Variants in DLGAP4 observed in about 807,000 individuals in gnomAD.
DLGAP4 encodes the protein disks large-associated protein 4.
A neutral mutation model predicts 86.9 loss-of-function variants in DLGAP4; 18 were observed. That is an observed-to-expected ratio of 0.21 (90% CI 0.14 to 0.31). The LOEUF (loss-of-function observed/expected upper bound fraction) is 0.31, where lower values mean the gene tolerates loss of function less well. DLGAP4 is among the 10% of genes least tolerant of loss of function. The pLI, the probability that DLGAP4 is intolerant of heterozygous loss-of-function variation, is 1.00. For synonymous variants in DLGAP4, 548 were observed against 574.3 expected (o/e 0.95, Z 0.65); for missense variants, 1,085 against 1,362.6 (o/e 0.80, Z 3.21).
chr20:36,333,732 G>A (rs1169301912), intron 1 of DLGAP4, among the ~76,000 whole-genome samples: 1 of 152,238 alleles, frequency 6.6e-6, no homozygotes, highest in African/African-American at 2.4e-5. Flanking sequence ...TGCCCCTGCT[G>A]GCCTCGAAGC....
intron 7 of DLGAP4, among the ~76,000 whole-genome samples, chr20:36,466,974 C>CCT (rs532237646): frequency 1.9e-4 from 26 of 136,648 alleles, no homozygotes; most frequent in Non-Finnish European, 2.6e-4. Flanking sequence ...CTGTCTCTCT[C>CCT]CTCTCTCTCT....
rs541255687 is a variant in DLGAP4 at position 36,503,789 on chromosome 20, C to T, written c.2512+3178C>T. On this transcript the variant is annotated intron_variant, in intron 10 of 12. Transcript: ENST00000339266. ...GGATTACAGGCGTGAGCCACTGCACCCGGCCCCATATTTGGCCTTTTGTGT... is the reference window on the plus strand; with the variant it reads ...GGATTACAGGCGTGAGCCACTGCACTCGGCCCCATATTTGGCCTTTTGTGT... 1.0e-3 allele frequency among the ~76,000 whole-genome samples: 159 copies of T among 152,330 alleles called. 1 individual carries two copies. The highest frequency in any genetic ancestry group is 3.8e-3 in the African/African-American group (156 of 41,580).
rs1171759122 is a variant in DLGAP4, at chr20:36,467,466, A to G, written c.1648+20529A>G. 2.0e-5 allele frequency among the ~76,000 whole-genome samples: 3 copies of G among 152,336 alleles called. No individual in the cohort carries two copies. In the East Asian group the frequency reaches 5.8e-4, roughly 29 times the overall value. On this transcript the variant is annotated intron_variant, in intron 7 of 12. Transcript: ENST00000339266. ...TGGGTGGAGCCAGGAGGTTGTAGGC[A>G]GTGTTAAACAGCTGAAAAGCAGAGG...
At chr20:36,394,373 G>A (rs559982708) in intron 2 of DLGAP4, among the ~76,000 whole-genome samples, 7 of 152,282 alleles carry the variant, frequency 4.6e-5, no homozygotes, top group Admixed American at 4.6e-4. Context: ...TCTGCCCTGC[G>A]ACTCTGCCCT....
chr20:36,432,189 G>C lies in DLGAP4; in HGVS notation c.472G>C (p.Glu158Gln). The C allele has an allele frequency of 6.2e-7, 1 of 1,614,176 alleles. No homozygotes were observed. The highest frequency in any genetic ancestry group is 1.1e-5 in the South Asian group (1 of 91,082). The change falls in exon 3 of 13, where the codon GAG (glutamate) becomes CAG (glutamine). Residue 158 changes from glutamate (E) to glutamine (Q), a missense_variant. This residue lies in a region of DLGAP4 where 1,082 missense variants were observed against 1,344.1 expected (regional missense o/e 0.81). Transcript: ENST00000339266. This position sits in a 1 kb window ranked among gnomAD's most constrained non-coding sequence, Gnocchi z 6.5. ...TTTCTTCACCAAGGCACCCTCACTG[G>C]AGGGCACAGCGGGCAAGGTCGGTGG... is the stretch of plus-strand genomic sequence containing the variant. Reference protein sequence around the residue: ...RLFFTKAPSLEGTAGKVGGNG... With the variant: ...RLFFTKAPSLQGTAGKVGGNG...
rs990278115 is a variant in DLGAP4 at position 36,432,149 on chromosome 20, C to T, written c.432C>T (p.His144=). ...CTGGCCGCATCCGCCACCTGGTCCA[C>T]TCAGTCCAGCGGCTTTTCTTCACCA... ...ESPGRIRHLV[H]SVQRLFFTKA... Residue 144 remains histidine, a synonymous_variant, in exon 3 of 13, where the codon CAC becomes CAT. Transcript: ENST00000339266. This position sits in a 1 kb window ranked among gnomAD's most constrained non-coding sequence, Gnocchi z 6.5. The T allele has an allele frequency of 4.3e-6, 7 of 1,614,086 alleles. No homozygotes were observed. Among genetic ancestry groups the T allele is most frequent in the African/African-American group, 4.0e-5 (3 of 74,956 alleles).
intron 2 of DLGAP4, among the ~76,000 whole-genome samples, chr20:36,402,605 G>A (rs2032194426): frequency 6.6e-6 from 1 of 152,052 alleles, no homozygotes; most frequent in Admixed American, 6.6e-5. Context: ...AAAATTAGCT[G>A]GACATGGTGG....
chr20:36,366,617 G>A (rs937107931), intron 1 of DLGAP4, among the ~76,000 whole-genome samples: 2 of 152,168 alleles, frequency 1.3e-5, no homozygotes, highest in Non-Finnish European at 2.9e-5. Flanking sequence ...TCAGAAAGGG[G>A]AAGCTGCCTC....
intron 2 of DLGAP4, among the ~76,000 whole-genome samples, chr20:36,379,475 G>A (rs1324729653): frequency 2.0e-5 from 3 of 152,202 alleles, no homozygotes; most frequent in Admixed American, 6.5e-5. Flanking sequence ...GGCTCTGAGC[G>A]GAATCCTGGG....
chr20:36,468,506 C>T (rs188728212), intron 7 of DLGAP4, among the ~76,000 whole-genome samples: 2 of 152,346 alleles, frequency 1.3e-5, no homozygotes, highest in East Asian at 3.9e-4. Flanking sequence ...AAATTGATGG[C>T]TTGGCCGAGG....
chr20:36,422,823 T>C (rs553551988), intron 2 of DLGAP4, among the ~76,000 whole-genome samples: 1 of 152,288 alleles, frequency 6.6e-6, no homozygotes, highest in Admixed American at 6.5e-5. Context: ...AGGGCAATGA[T>C]GCTTATATTA....
At position 36,315,578 on chromosome 20, in the gene DLGAP4, C is replaced by T. The variant is rs898753467; in HGVS notation, c.-304+9066C>T. 1.1e-4 allele frequency among the ~76,000 whole-genome samples: 17 copies of T among 152,098 alleles called. No homozygotes were observed. In the East Asian group the frequency reaches 2.3e-3, roughly 21 times the overall value. On this transcript the variant is annotated intron_variant, in intron 1 of 12. Transcript: ENST00000339266. ...GGGTTGCTGGATGGTCTGCCCTGGC[C>T]GCAGCTAGCAAAGCCAGTGGCCATC...
intron 1 of DLGAP4, among the ~76,000 whole-genome samples, chr20:36,311,985 TG>T (rs1405781721): frequency 2.6e-5 from 4 of 152,154 alleles, no homozygotes; most frequent in Non-Finnish European, 5.9e-5. Flanking sequence ...ACAGATGCGC[TG>T]GGGGCAGAGC....
At chr20:36,499,162 G>A (rs1020723124) in intron 8 of DLGAP4, 27 of 1,375,148 alleles carry the variant, frequency 2.0e-5, no homozygotes, top group East Asian at 2.4e-5. Flanking sequence ...ACCAGATAAC[G>A]GCTGTGGCTT....
At chr20:36,463,363 C>T (rs1295104146) in intron 7 of DLGAP4, among the ~76,000 whole-genome samples, 1 of 152,186 alleles carries the variant, frequency 6.6e-6, no homozygotes, top group Admixed American at 6.5e-5. Context: ...GAACTGTCAG[C>T]CTGTCTTTAA....
rs1390763692 is a variant in DLGAP4, at chr20:36,528,355, C to T, written c.*1324C>T. The T allele has an allele frequency of 6.5e-6, 1 of 152,694 alleles. No individual in the cohort carries two copies. Among genetic ancestry groups the T allele is most frequent in the Non-Finnish European group, 1.5e-5 (1 of 68,116 alleles). 9.5% of individuals were successfully genotyped at this position (152,694 alleles called of 1,614,324 possible). ...GAGGGCAGGGGCTGAGCCCCGAAGCCAGCTCAGTACCTGAGGGGCTGCTCT... is the reference window on the plus strand; with the variant it reads ...GAGGGCAGGGGCTGAGCCCCGAAGCTAGCTCAGTACCTGAGGGGCTGCTCT... On this transcript the variant is annotated 3_prime_UTR_variant, in exon 13 of 13. Coordinates refer to ENST00000339266, the MANE Select transcript of DLGAP4 (RefSeq NM_001365621.2).
chr20:36,456,976 C>T (rs1008365797), intron 7 of DLGAP4, among the ~76,000 whole-genome samples: 1 of 152,240 alleles, frequency 6.6e-6, no homozygotes, highest in African/African-American at 2.4e-5. Flanking sequence ...TGATCAAGTG[C>T]TCTGGGCCAG....
rs151043374 is a variant in DLGAP4 at position 36,396,214 on chromosome 20, G to A, written c.-73+28939G>A. Among the ~76,000 whole-genome samples, 15 of 151,950 alleles carry A rather than the reference G, an allele frequency of 9.9e-5. No homozygotes were observed. The East Asian group carries it at 2.9e-3, about 29-fold the overall frequency. On this transcript the variant is annotated intron_variant, in intron 2 of 12. Coordinates refer to ENST00000339266, the MANE Select transcript of DLGAP4 (RefSeq NM_001365621.2). ...GGGCCAGCATCTGCCCCTCAGCACCGCAGAAGTGCAGTGAGTGGGGTTACT... is the reference window on the plus strand; with the variant it reads ...GGGCCAGCATCTGCCCCTCAGCACCACAGAAGTGCAGTGAGTGGGGTTACT...
chr20:36,358,452 A>T (rs961033962), intron 1 of DLGAP4, among the ~76,000 whole-genome samples: 3 of 152,226 alleles, frequency 2.0e-5, no homozygotes, highest in Admixed American at 2.0e-4. Context: ...CATGTGTTGC[A>T]GTGCCTGGCC....
Sources: gnomAD v4.1 joint callset for allele counts (sites outside exome capture counted in the v4.1 genomes callset) on GRCh38, gnomAD v4.1.1 for gene constraint, gnomAD v4.1.1 regional missense constraint, Gnocchi (gnomAD v3.1) non-coding constraint, MANE v1.5 for transcripts, NCBI Gene and HGNC (gene_info 2026-07-23, HGNC 2026-07-21) for gene names.